Variants in LMCD1 observed in about 807,000 individuals in gnomAD.
LMCD1 encodes LIM and cysteine rich domains 1.
In LMCD1, 32 loss-of-function variants were observed where a neutral mutation model predicts 42.7. The observed-to-expected ratio is 0.75, with a 90% CI of 0.57 to 1.01. The LOEUF (loss-of-function observed/expected upper bound fraction) is 1.01. LMCD1 is among the 50% of genes least tolerant of loss of function. The pLI, the probability that LMCD1 is intolerant of heterozygous loss-of-function variation, is 0.00. For synonymous variants in LMCD1, 178 were observed against 184.9 expected (o/e 0.96, Z 0.30); for missense variants, 458 against 483.1 (o/e 0.95, Z 0.49).
chr3:8,510,933 G>A (rs556087281), intron 1 of LMCD1, among the ~76,000 whole-genome samples: 28 of 152,176 alleles, frequency 1.8e-4, no homozygotes, highest in South Asian at 1.5e-3. Context: ...AGCATTACAC[G>A]CCACACACAC....
Position 8,532,360 on chromosome 3 carries a change from C to G in LMCD1, c.43-377C>G, listed in dbSNP as rs189185606. The stretch of plus-strand genomic sequence containing the variant: ...ACAAATAAATGAGGGAGAGGAGACA[C>G]TCACTGAAGATTCCATTCCAGTGAC... On this transcript the variant is annotated intron_variant, in intron 1 of 5. Coordinates refer to ENST00000157600, the MANE Select transcript of LMCD1 (RefSeq NM_014583.4). 1.7e-3 allele frequency among the ~76,000 whole-genome samples: 258 copies of G among 152,276 alleles called. 6 individuals are homozygous for G. The highest frequency in any genetic ancestry group is 0.016 in the Admixed American group (241 of 15,298).
In LMCD1 at chr3:8,574,481, G is replaced by A. The variant is rs1695272188; in HGVS notation, c.*6883G>A. On this transcript the variant is annotated 3_prime_UTR_variant, in exon 6 of 6. Coordinates refer to ENST00000157600, the MANE Select transcript of LMCD1 (RefSeq NM_014583.4). Reference sequence around the variant, plus strand: ...CAAGAGACTAAGACTGTGCAGGGTTGGGGAACGGAAGCTCACACAGGAGGC... The same window carrying A: ...CAAGAGACTAAGACTGTGCAGGGTTAGGGAACGGAAGCTCACACAGGAGGC... The A allele has an allele frequency of 6.6e-6, 1 of 152,246 alleles. No individual in the cohort carries two copies. Among genetic ancestry groups the A allele is most frequent in the Admixed American group, 6.5e-5 (1 of 15,284 alleles). The allele number at this position is 152,246 out of a possible 1,614,324, so 9.4% of individuals were successfully genotyped here. A position where few individuals can be genotyped will look rare whatever the true frequency, so the allele number is the denominator to read the frequency against.
Position 8,548,889 on chromosome 3 carries a change from A to T in LMCD1, c.709A>T (p.Lys237Ter). 6.5e-7 allele frequency: 1 copy of T among 1,528,178 alleles called. No individual in the cohort carries two copies. Among genetic ancestry groups the T allele is most frequent in the South Asian group, 1.3e-5 (1 of 76,108 alleles). The allele number at this position is 1,528,178 out of a possible 1,614,324, so 94.7% of individuals were successfully genotyped here. The change falls in exon 4 of 6, where the codon AAA (lysine) becomes TAA (stop). Residue 237 changes from lysine to a stop codon, truncating the protein, a stop_gained. Coordinates refer to ENST00000157600, the MANE Select transcript of LMCD1 (RefSeq NM_014583.4). LOFTEE classifies it high-confidence loss of function. ...CAACGGCAGTCTCAGTGACCCGTCC[A>T]AAGAAGTGGAATACGTAAGTTTCTC... ...TTNGSLSDPS[K>*]EVEYVCELCK...
chr3:8,527,624 C>G (rs2125019740), intron 1 of LMCD1, among the ~76,000 whole-genome samples: 1 of 152,192 alleles, frequency 6.6e-6, no homozygotes, highest in South Asian at 2.1e-4. Context: ...TCATGTTGAC[C>G]AATAATCTTT....
At chr3:8,552,776 T>A (rs1694864356) in intron 4 of LMCD1, among the ~76,000 whole-genome samples, 1 of 152,090 alleles carries the variant, frequency 6.6e-6, no homozygotes, top group African/African-American at 2.4e-5. Context: ...CGGGCTGGAG[T>A]GCAGTGGCAC....
chr3:8,529,423 C>T (rs768926661), intron 1 of LMCD1, among the ~76,000 whole-genome samples: 1 of 152,052 alleles, frequency 6.6e-6, no homozygotes, highest in East Asian at 1.9e-4. Flanking sequence ...GGCCAACTCT[C>T]GCTTCCTGAA....
At chr3:8,567,353 A>G in intron 5 of LMCD1, 87 bp from the exon 6 acceptor site, 1 of 1,359,100 alleles carries the variant, frequency 7.4e-7, no homozygotes, top group South Asian at 1.4e-5. Context: ...GATGGGATGA[A>G]CCACCACCCT....
chr3:8,566,591 A>C (rs1695135919), intron 5 of LMCD1, among the ~76,000 whole-genome samples: 2 of 152,214 alleles, frequency 1.3e-5, no homozygotes, highest in South Asian at 2.1e-4. Flanking sequence ...TCTATCATTT[A>C]TTAAGGGCTT....
chr3:8,559,265 A>G (rs1422141065), intron 4 of LMCD1, among the ~76,000 whole-genome samples: 1 of 152,232 alleles, frequency 6.6e-6, no homozygotes, highest in Non-Finnish European at 1.5e-5. Context: ...ACCTGCCTTC[A>G]ACATATCTTT....
At chr3:8,509,042 T>C (rs894833433) in intron 1 of LMCD1, among the ~76,000 whole-genome samples, 10 of 152,228 alleles carry the variant, frequency 6.6e-5, no homozygotes, top group Non-Finnish European at 1.2e-4. Context: ...GACCTCTGGT[T>C]CCTCATTTGA....
intron 4 of LMCD1, chr3:8,549,983 C>A: frequency 1.4e-6 from 2 of 1,437,098 alleles, no homozygotes; most frequent in Non-Finnish European, 1.9e-6. Flanking sequence ...AAAGGCCCCA[C>A]CTCTCAATAC....
At chr3:8,516,100 C>T (rs1031342834) in intron 1 of LMCD1, among the ~76,000 whole-genome samples, 6 of 152,154 alleles carry the variant, frequency 3.9e-5, no homozygotes, top group Non-Finnish European at 8.8e-5. Context: ...GGTGGACGAG[C>T]CAGGCCTTGA....
intron 1 of LMCD1, 92 bp downstream of exon 1, chr3:8,502,072 G>T: frequency 8.8e-7 from 1 of 1,133,710 alleles, no homozygotes; most frequent in Non-Finnish European, 1.3e-6. Flanking sequence ...AAGGTAATGA[G>T]AAGGGAACTC....
At chr3:8,543,492 C>T (rs554027478) in intron 3 of LMCD1, among the ~76,000 whole-genome samples, 3 of 152,054 alleles carry the variant, frequency 2.0e-5, no homozygotes, top group African/African-American at 2.4e-5. Context: ...GACAGACAGA[C>T]AGATAGATAG....
At chr3:8,508,007 C>T (rs1031402531) in intron 1 of LMCD1, among the ~76,000 whole-genome samples, 3 of 152,176 alleles carry the variant, frequency 2.0e-5, no homozygotes, top group East Asian at 1.9e-4. Context: ...CTCTTGGTCA[C>T]CACCAGGAGT....
At position 8,517,198 on chromosome 3, in the gene LMCD1, C is replaced by T. The variant is rs1574949727; in HGVS notation, c.42+15218C>T. On this transcript the variant is annotated intron_variant, in intron 1 of 5. Transcript: ENST00000157600. ...AAATCTGAAACTTCCTGAGTGCTGACATGAAGCCATGAGTGGAAAATTCCA... is the reference window on the plus strand; with the variant it reads ...AAATCTGAAACTTCCTGAGTGCTGATATGAAGCCATGAGTGGAAAATTCCA... Among the ~76,000 whole-genome samples the T allele has an allele frequency of 2.6e-5, 4 of 152,294 alleles. No homozygotes were observed. In the South Asian group the frequency reaches 8.3e-4, roughly 32 times the overall value.
intron 2 of LMCD1, 151 bp downstream of exon 2, chr3:8,532,976 C>G (rs1694440790): frequency 1.5e-6 from 1 of 672,386 alleles, no homozygotes; most frequent in Non-Finnish European, 2.6e-6. Context: ...CTGCTTGGTC[C>G]AATTCAGAAA....
intron 3 of LMCD1, among the ~76,000 whole-genome samples, chr3:8,540,785 C>T (rs781376954): frequency 1.6e-4 from 24 of 152,248 alleles, no homozygotes; most frequent in Admixed American, 3.3e-4. Flanking sequence ...AACACCTCAC[C>T]GCGCCCTATG....
chr3:8,517,287 A>G (rs188856271), intron 1 of LMCD1, among the ~76,000 whole-genome samples: 148 of 152,344 alleles, frequency 9.7e-4, no homozygotes, highest in African/African-American at 3.4e-3. Context: ...ATTGTATAAA[A>G]TTACCCCCCA....
Sources: allele counts gnomAD v4.1 joint callset (sites outside exome capture counted in the v4.1 genomes callset), GRCh38; gene constraint gnomAD v4.1.1; transcripts MANE v1.5; gene names NCBI Gene and HGNC (gene_info 2026-07-23, HGNC 2026-07-21).